Variants in ADARB2 observed in about 807,000 individuals in gnomAD.
The protein encoded by ADARB2 is adenosine deaminase RNA specific B2 (inactive).
ADARB2 carries 25 observed loss-of-function variants against 62.2 expected under a neutral mutation model. The ratio of observed to expected loss-of-function variants is 0.40; its 90% CI spans 0.29 to 0.56. ADARB2 has a LOEUF of 0.56. ADARB2 is among the 20% of genes least tolerant of loss of function. ADARB2 has a pLI of 0.43. For synonymous variants in ADARB2, 572 were observed against 500.8 expected, an observed-to-expected ratio of 1.14 and a Z score of -1.90; for missense variants, 1,071 against 1,077.4, an observed-to-expected ratio of 0.99 and a Z score of 0.08.
At chr10:1,369,752 G>T (rs1474019047) in intron 2 of ADARB2, among the ~76,000 whole-genome samples, 1 of 152,180 alleles carries the variant, frequency 6.6e-6, no homozygotes, top group Non-Finnish European at 1.5e-5. Flanking sequence ...GCATGGCCAC[G>T]CCCCTCCTGA....
intron 3 of ADARB2, among the ~76,000 whole-genome samples, chr10:1,299,418 A>G (rs1372344477): frequency 6.6e-6 from 1 of 151,922 alleles, no homozygotes; most frequent in Non-Finnish European, 1.5e-5. Flanking sequence ...GATCTAGCAG[A>G]CTCCAGGCAT....
At chr10:1,658,598 C>T (rs1487814749) in intron 1 of ADARB2, among the ~76,000 whole-genome samples, 1 of 152,210 alleles carries the variant, frequency 6.6e-6, no homozygotes, top group Non-Finnish European at 1.5e-5. Context: ...CAGCACAGGA[C>T]CCAGTGGTGC....
rs1038191735 is a variant in ADARB2 at position 1,704,450 on chromosome 10, A to G, written c.100+32601T>C. 3.3e-5 allele frequency among the ~76,000 whole-genome samples: 5 copies of G among 152,166 alleles called. No individual in the cohort carries two copies. The highest frequency in any genetic ancestry group is 3.3e-4 in the Admixed American group (5 of 15,276). On this transcript the variant is annotated intron_variant, in intron 1 of 9. Transcript: ENST00000381312. This position sits in a 1 kb window ranked among gnomAD's most constrained non-coding sequence, Gnocchi z 5.6. ...GGATCCCTTACAAGCACAGTTAGCAATAGGATCCCCACTCCTATAGGAATC... is the reference window on the plus strand; with the variant it reads ...GGATCCCTTACAAGCACAGTTAGCAGTAGGATCCCCACTCCTATAGGAATC...
chr10:1,444,212 A>G (rs1274422001), intron 1 of ADARB2, among the ~76,000 whole-genome samples: 1 of 149,022 alleles, frequency 6.7e-6, no homozygotes, highest in African/African-American at 2.5e-5. Context: ...CCACTCATCC[A>G]TCCATCTATC....
chr10:1,191,819 C>A (rs945024503), intron 8 of ADARB2, among the ~76,000 whole-genome samples: 6 of 152,180 alleles, frequency 3.9e-5, no homozygotes, highest in African/African-American at 7.2e-5. Context: ...TTTTGCTAAA[C>A]ACACACAATC....
chr10:1,272,018 G>A (rs1831267855), intron 3 of ADARB2, among the ~76,000 whole-genome samples: 1 of 152,196 alleles, frequency 6.6e-6, no homozygotes, highest in South Asian at 2.1e-4. Context: ...ATGCAATACG[G>A]TGTCTTAAGT....
chr10:1,265,590 CT>C (rs1831188963), intron 4 of ADARB2, among the ~76,000 whole-genome samples: 18 of 138,562 alleles, frequency 1.3e-4, no homozygotes, highest in Admixed American at 2.8e-4. Context: ...GGTCCACGCT[CT>C]CCCGGAAGAC....
chr10:1,337,816 A>C (rs1173709243), intron 3 of ADARB2, among the ~76,000 whole-genome samples: 1 of 152,236 alleles, frequency 6.6e-6, no homozygotes, highest in Non-Finnish European at 1.5e-5. Context: ...AATCTTTAAG[A>C]TATTTGGTCA....
chr10:1,258,554 G>C (rs927642161), intron 4 of ADARB2, among the ~76,000 whole-genome samples: 2 of 152,114 alleles, frequency 1.3e-5, no homozygotes, highest in South Asian at 4.1e-4. Context: ...AGACAAAGAA[G>C]GCCATTACAT....
At chr10:1,208,754 T>C (rs1303080438) in intron 7 of ADARB2, among the ~76,000 whole-genome samples, 9 of 152,204 alleles carry the variant, frequency 5.9e-5, no homozygotes, top group Admixed American at 1.3e-4. Context: ...GCCCCTGAGA[T>C]GTGAGGACAC....
In ADARB2 at chr10:1,363,485, C is replaced by T; in HGVS notation, c.620G>A (p.Gly207Asp). The T allele has an allele frequency of 3.3e-5, 50 of 1,503,114 alleles. No homozygotes were observed. The highest frequency in any genetic ancestry group is 4.2e-5 in the Non-Finnish European group (48 of 1,130,712). 93.1% of individuals were successfully genotyped at this position (1,503,114 alleles called of 1,614,324 possible). The change falls in exon 3 of 10, where the codon GGC (glycine) becomes GAC (aspartate). Residue 207 changes from glycine to aspartate, a missense_variant. Transcript: ENST00000381312. ...QAHLAMGGGP[G>D]PGTDFTSDQA... ...GTCGGAGGTGAAGTCCGTGCCGGGG[C>T]CCGGGCCCCCGCCCATGGCCAGGTG...
chr10:1,191,020 CCACACTCTGCAGAATGGGGGTTTG>C (rs1248480170), intron 8 of ADARB2, among the ~76,000 whole-genome samples: 2 of 150,662 alleles, frequency 1.3e-5, no homozygotes, highest in African/African-American at 5.0e-5. Context: ...GCTCTGGGCC[CCACACTCTGCAGAATGGGGGTTTG>C]CACACTCTGG....
chr10:1,422,908 C>T (rs60423315), intron 1 of ADARB2, among the ~76,000 whole-genome samples: 2,485 of 152,220 alleles, frequency 0.016, 53 homozygotes, highest in African/African-American at 0.047. Flanking sequence ...TGGAGCCCAC[C>T]GAGTCTCCCT....
intron 3 of ADARB2, among the ~76,000 whole-genome samples, chr10:1,287,506 C>G (rs148337116): frequency 5.3e-5 from 8 of 152,272 alleles, no homozygotes; most frequent in African/African-American, 1.9e-4. Context: ...CCTGAAACCT[C>G]GCGTGCTCTG....
At chr10:1,702,145 C>T (rs1834830100) in intron 1 of ADARB2, among the ~76,000 whole-genome samples, 1 of 152,226 alleles carries the variant, frequency 6.6e-6, no homozygotes, top group African/African-American at 2.4e-5. Context: ...TGCTGCATCC[C>T]ACAGGGTGAA....
At chr10:1,548,585 A>C (rs1832562162) in intron 1 of ADARB2, among the ~76,000 whole-genome samples, 1 of 152,212 alleles carries the variant, frequency 6.6e-6, no homozygotes, top group Admixed American at 6.5e-5. Flanking sequence ...AGGGTGAATA[A>C]AGTCTCACTA....
At chr10:1,468,812 G>A (rs559790027) in intron 1 of ADARB2, among the ~76,000 whole-genome samples, 1 of 152,352 alleles carries the variant, frequency 6.6e-6, no homozygotes, top group Non-Finnish European at 1.5e-5. Flanking sequence ...TGGAGGTGAT[G>A]GTGAGTGGCA....
At chr10:1,406,476 G>C (rs1287096629) in intron 1 of ADARB2, among the ~76,000 whole-genome samples, 1 of 152,176 alleles carries the variant, frequency 6.6e-6, no homozygotes, top group Non-Finnish European at 1.5e-5. Context: ...CTCCTAAAGT[G>C]TCTCCTTTCT....
intron 1 of ADARB2, among the ~76,000 whole-genome samples, chr10:1,648,653 G>C (rs904183498): frequency 2.6e-5 from 4 of 152,146 alleles, no homozygotes; most frequent in African/African-American, 9.7e-5. Flanking sequence ...TCCAGCTCTG[G>C]TACTCTTTGA....
Sources: gnomAD v4.1 joint callset for allele counts (sites outside exome capture counted in the v4.1 genomes callset) on GRCh38, gnomAD v4.1.1 for gene constraint, Gnocchi (gnomAD v3.1) non-coding constraint, MANE v1.5 for transcripts, NCBI Gene and HGNC (gene_info 2026-07-23, HGNC 2026-07-21) for gene names.